The following CSMD2 variants were observed in gnomAD, a reference collection of about 807,000 sequenced individuals.
CSMD2 encodes the protein CUB and Sushi multiple domains 2.
CSMD2 carries 130 observed loss-of-function variants against 398.5 expected under a neutral mutation model. That is an observed-to-expected ratio of 0.33 (90% CI 0.28 to 0.38). CSMD2 has a LOEUF of 0.38. Ranked by LOEUF, CSMD2 falls within the 10% of genes least tolerant of loss-of-function variation. The pLI, the probability that CSMD2 is intolerant of heterozygous loss-of-function variation, is 1.00. For synonymous variants in CSMD2, 1,828 were observed against 1,908.5 expected, an observed-to-expected ratio of 0.96 and a Z score of 1.10; for missense variants, 3,829 against 4,764.9, an observed-to-expected ratio of 0.80 and a Z score of 5.78.
At chr1:34,124,339 CA>C (rs1406313639) in intron 1 of CSMD2, among the ~76,000 whole-genome samples, 1 of 152,074 alleles carries the variant, frequency 6.6e-6, no homozygotes, top group Non-Finnish European at 1.5e-5. Flanking sequence ...GGGGACATGC[CA>C]CAGGCTGGTG....
intron 25 of CSMD2, among the ~76,000 whole-genome samples, chr1:33,670,881 C>T (rs889583074): frequency 2.7e-4 from 41 of 152,148 alleles, no homozygotes; most frequent in Non-Finnish European, 5.3e-4. Flanking sequence ...GGGTATGAGA[C>T]CAGGCCTCCT....
chr1:33,841,196 A>G (rs1570226499), intron 6 of CSMD2, among the ~76,000 whole-genome samples: 1 of 152,166 alleles, frequency 6.6e-6, no homozygotes, highest in African/African-American at 2.4e-5. Flanking sequence ...GCAGGCTGGG[A>G]TCTGACTGAA....
chr1:33,888,583 G>A (rs1045277243), intron 5 of CSMD2, among the ~76,000 whole-genome samples: 9 of 152,102 alleles, frequency 5.9e-5, no homozygotes, highest in South Asian at 2.1e-4. Flanking sequence ...CTCAAACCTC[G>A]TACAAAAATA....
chr1:33,669,972 C>T (rs1644439043), intron 25 of CSMD2, among the ~76,000 whole-genome samples: 1 of 152,190 alleles, frequency 6.6e-6, no homozygotes, highest in African/African-American at 2.4e-5. Flanking sequence ...CCAGAGGGAT[C>T]TTGGCCCATT....
At chr1:33,656,077 T>C (rs768063008) in intron 27 of CSMD2, among the ~76,000 whole-genome samples, 5 of 75,120 alleles carry the variant, frequency 6.7e-5, no homozygotes, top group African/African-American at 1.8e-4. Context: ...CTTGAGCAGA[T>C]GGAATTCTGG....
intron 1 of CSMD2, among the ~76,000 whole-genome samples, chr1:34,158,574 C>A (rs549092918): frequency 6.6e-6 from 1 of 152,200 alleles, no homozygotes; most frequent in East Asian, 1.9e-4. Context: ...AAGACTCCCC[C>A]CACTGGGTAT....
At chr1:33,746,016 A>G (rs1410316558) in intron 13 of CSMD2, among the ~76,000 whole-genome samples, 1 of 152,196 alleles carries the variant, frequency 6.6e-6, no homozygotes, top group African/African-American at 2.4e-5. Context: ...AAATCAATGC[A>G]GCCTGATTCT....
chr1:33,904,536 G>A (rs1642961427), intron 5 of CSMD2, among the ~76,000 whole-genome samples: 1 of 152,182 alleles, frequency 6.6e-6, no homozygotes, highest in African/African-American at 2.4e-5. Flanking sequence ...TGGGCATGGA[G>A]TTCCATTTGG....
In CSMD2 at chr1:34,165,035, G is replaced by T. The variant is rs1352649637; in HGVS notation, c.63C>A (p.Gly21=). 1 of 1,211,902 alleles carries T rather than the reference G, an allele frequency of 8.3e-7. No individual in the cohort carries two copies. Among genetic ancestry groups the T allele is most frequent in the East Asian group, 3.3e-5 (1 of 29,860 alleles). 75.1% of individuals were successfully genotyped at this position (1,211,902 alleles called of 1,614,324 possible). ...GCACAAGCGCCGAAATCCCGGTTTC[G>T]CCGCGAGCCCTCCCCGCGGGGCAGC... ...RCGCPAGRAR[G]ETGISALVPG... is the part of the protein sequence containing the mutation. Residue 21 remains glycine, a synonymous_variant, in exon 1 of 71, where the codon GGC becomes GGA. Coordinates refer to ENST00000373381, the MANE Select transcript of CSMD2 (RefSeq NM_001281956.2).
chr1:33,958,199 G>C (rs1645234075), intron 3 of CSMD2, among the ~76,000 whole-genome samples: 1 of 152,090 alleles, frequency 6.6e-6, no homozygotes, highest in Non-Finnish European at 1.5e-5. Flanking sequence ...TTGGCTGTGG[G>C]ACCTTGACTT....
chr1:34,056,575 G>A (rs531041369), intron 2 of CSMD2, among the ~76,000 whole-genome samples: 9 of 152,232 alleles, frequency 5.9e-5, no homozygotes, highest in African/African-American at 1.7e-4. Context: ...TCAAATGTAC[G>A]GTTAACAATG....
intron 1 of CSMD2, among the ~76,000 whole-genome samples, chr1:34,102,400 C>T (rs74068056): frequency 0.012 from 1,801 of 152,306 alleles, 32 homozygotes; most frequent in African/African-American, 0.04. Flanking sequence ...CTTGTTCACA[C>T]TGAGAAAGAC....
intron 3 of CSMD2, among the ~76,000 whole-genome samples, chr1:34,008,433 G>A (rs1647130320): frequency 6.6e-6 from 1 of 152,156 alleles, no homozygotes; most frequent in Admixed American, 6.5e-5. Context: ...ACAAAGTACT[G>A]TGGATGGGCA....
chr1:33,900,241 C>T (rs951609224), intron 5 of CSMD2, among the ~76,000 whole-genome samples: 1 of 152,150 alleles, frequency 6.6e-6, no homozygotes, highest in Non-Finnish European at 1.5e-5. Context: ...TGAGGTCACA[C>T]GATTAGTTGG....
chr1:33,681,283 G>GT (rs1644902294), intron 25 of CSMD2, among the ~76,000 whole-genome samples: 1 of 151,912 alleles, frequency 6.6e-6, no homozygotes, highest in South Asian at 2.1e-4. Context: ...TCCTTAGTTT[G>GT]TAAGTTTTCT....
intron 1 of CSMD2, among the ~76,000 whole-genome samples, chr1:34,122,385 G>A (rs551974364): frequency 1.3e-5 from 2 of 152,038 alleles, no homozygotes; most frequent in Non-Finnish European, 2.9e-5. Flanking sequence ...GATCTGCAGG[G>A]GACAAAATGG....
rs574528122 is a variant in CSMD2, at chr1:33,681,077, A to G, written c.4052+11853T>C. Among the ~76,000 whole-genome samples the G allele has an allele frequency of 4.6e-5, 7 of 151,798 alleles. No individual in the cohort carries two copies. The South Asian group carries it at 1.0e-3, about 23-fold the overall frequency. On this transcript the variant is annotated intron_variant, in intron 25 of 70. Coordinates refer to ENST00000373381, the MANE Select transcript of CSMD2 (RefSeq NM_001281956.2). The stretch of plus-strand genomic sequence containing the variant: ...ATAGCTGGGACTACAGGTGCATGCC[A>G]CCATGCCTGGCTAATTTTTCTATTT...
chr1:33,742,373 G>C (rs976664254), intron 14 of CSMD2, among the ~76,000 whole-genome samples: 25 of 152,188 alleles, frequency 1.6e-4, no homozygotes, highest in African/African-American at 6.0e-4. Flanking sequence ...GTGTTTGTGG[G>C]CATGGAGCAG....
chr1:33,755,786 T>C (rs1648906167), intron 13 of CSMD2, among the ~76,000 whole-genome samples: 1 of 151,720 alleles, frequency 6.6e-6, no homozygotes, highest in African/African-American at 2.4e-5. Flanking sequence ...GCTGGGACTA[T>C]AGGTGTGTGC....
Sources: gnomAD v4.1 joint callset for allele counts (sites outside exome capture counted in the v4.1 genomes callset) on GRCh38, gnomAD v4.1.1 for gene constraint, MANE v1.5 for transcripts, NCBI Gene and HGNC (gene_info 2026-07-23, HGNC 2026-07-21) for gene names.